Variants in FLI1 observed in about 807,000 individuals in gnomAD.
FLI1 encodes Fli-1 proto-oncogene, ETS transcription factor.
A neutral mutation model predicts 53.1 loss-of-function variants in FLI1; 13 were observed. That is an observed-to-expected ratio of 0.24 (90% CI 0.16 to 0.39). The LOEUF (loss-of-function observed/expected upper bound fraction) is 0.39, where lower values mean the gene tolerates loss of function less well. Ranked by LOEUF, FLI1 falls within the 10% of genes least tolerant of loss-of-function variation. FLI1 has a pLI of 1.00. For synonymous variants in FLI1, 244 were observed against 236.7 expected, an observed-to-expected ratio of 1.03 and a Z score of -0.28; for missense variants, 424 against 600.5, an observed-to-expected ratio of 0.71 and a Z score of 3.07.
chr11:128,691,163 T>C (rs1937724306), upstream of FLI1, among the ~76,000 whole-genome samples: 2 of 152,172 alleles, frequency 1.3e-5, no homozygotes, highest in Middle Eastern at 3.2e-3. Flanking sequence ...ATATCCCCTT[T>C]GGCTGCTCGT....
intron 1 of FLI1, among the ~76,000 whole-genome samples, chr11:128,726,995 C>CTGAT (rs1939514057): frequency 6.6e-6 from 1 of 152,042 alleles, no homozygotes; most frequent in African/African-American, 2.4e-5. Flanking sequence ...AAGGGCAATA[C>CTGAT]TGATTGCATG....
intron 2 of FLI1, among the ~76,000 whole-genome samples, chr11:128,767,742 G>A (rs1941397370): frequency 6.6e-6 from 1 of 152,202 alleles, no homozygotes; most frequent in Non-Finnish European, 1.5e-5. Flanking sequence ...CGGGCACCAA[G>A]TGCTGGGGGA....
At chr11:128,784,258 TC>T (rs1190150722) in intron 5 of FLI1, among the ~76,000 whole-genome samples, 1 of 93,904 alleles carries the variant, frequency 1.1e-5, no homozygotes, top group Non-Finnish European at 2.1e-5. Flanking sequence ...CTCCTCCTCC[TC>T]CTCCTCCTCC....
chr11:128,705,113 A>T (rs1322190484), intron 1 of FLI1, among the ~76,000 whole-genome samples: 1 of 152,202 alleles, frequency 6.6e-6, no homozygotes, highest in African/African-American at 2.4e-5. Flanking sequence ...TGATACATAC[A>T]TCTCCATATA....
intron 1 of FLI1, among the ~76,000 whole-genome samples, chr11:128,713,282 T>A (rs1267613103): frequency 6.6e-6 from 1 of 152,260 alleles, no homozygotes; most frequent in Non-Finnish European, 1.5e-5. Context: ...TCTCTTCCTA[T>A]GTAGAATTTA....
chr11:128,737,245 TG>T (rs896231568), intron 1 of FLI1, among the ~76,000 whole-genome samples: 2 of 152,142 alleles, frequency 1.3e-5, no homozygotes, highest in Non-Finnish European at 2.9e-5. Context: ...ATCTGTAAAA[TG>T]GGTTAGTTCC....
intron 1 of FLI1, among the ~76,000 whole-genome samples, chr11:128,743,993 T>C (rs607193): frequency 0.78 from 118,142 of 152,152 alleles, 46,462 homozygotes; most frequent in East Asian, 0.96. Flanking sequence ...TAGCTGCCAA[T>C]GGAGGGACCA....
chr11:128,697,059 G>A (rs923544304), intron 1 of FLI1, among the ~76,000 whole-genome samples: 1 of 152,150 alleles, frequency 6.6e-6, no homozygotes, highest in Non-Finnish European at 1.5e-5. Context: ...ATTTGCTGGA[G>A]CCACGCTACT....
rs146994033 is a variant in FLI1, at chr11:128,688,430, G to A, written c.-203+1729G>A. Among the ~76,000 whole-genome samples the A allele has an allele frequency of 4.1e-3, 629 of 152,350 alleles. 4 individuals are homozygous for A. Among genetic ancestry groups the A allele is most frequent in the Middle Eastern group, 0.01 (3 of 294 alleles). ...TGGCGGCGAAAGGTCTGCGTGGCAG[G>A]GACAATCTTGAGTCTGTTCCACCGG... is the stretch of plus-strand genomic sequence containing the variant. On this transcript the variant is annotated intron_variant, in intron 1 of 6. Coordinates refer to the FLI1 transcript ENST00000344954.
chr11:128,715,933 G>A (rs771203540), intron 1 of FLI1, among the ~76,000 whole-genome samples: 17 of 152,228 alleles, frequency 1.1e-4, no homozygotes, highest in Admixed American at 8.5e-4. Flanking sequence ...ACTAAGGAGA[G>A]CAAGGTTTGT....
At chr11:128,769,618 G>T (rs1365222199) in intron 3 of FLI1, among the ~76,000 whole-genome samples, 1 of 152,124 alleles carries the variant, frequency 6.6e-6, no homozygotes, top group Non-Finnish European at 1.5e-5. Context: ...GGCAGCAGAC[G>T]GGTGGGGCTT....
At chr11:128,779,091 A>G (rs1484191667) in intron 4 of FLI1, among the ~76,000 whole-genome samples, 2 of 152,230 alleles carry the variant, frequency 1.3e-5, no homozygotes, top group Non-Finnish European at 2.9e-5. Context: ...CAAGCTTTGG[A>G]GAGGTCAAAT....
chr11:128,766,538 T>G (rs1454347539), intron 2 of FLI1, among the ~76,000 whole-genome samples: 1 of 152,186 alleles, frequency 6.6e-6, no homozygotes, highest in Admixed American at 6.5e-5. Context: ...ATAAGTGATC[T>G]TCAATATTTT....
In FLI1 at chr11:128,810,751, C is replaced by T. The variant is rs377471737; in HGVS notation, c.1122C>T (p.Thr374=). Residue 374 remains threonine (T), a synonymous_variant, in exon 9 of 9, where the codon ACC becomes ACT. Transcript: ENST00000527786. This position sits in a 1 kb window ranked among gnomAD's most constrained non-coding sequence, Gnocchi z 6.6. ...GIAQALQPHP[T]ESSMYKYPSD... ...CCCAGGCTCTGCAGCCACATCCGAC[C>T]GAGTCGTCCATGTACAAGTACCCTT... The T allele has an allele frequency of 2.9e-5, 47 of 1,613,960 alleles. No individual in the cohort carries two copies. The highest frequency in any genetic ancestry group is 2.0e-4 in the African/African-American group (15 of 74,956).
chr11:128,687,268 G>GT (rs58042419), intron 1 of FLI1, among the ~76,000 whole-genome samples: 133 of 148,222 alleles, frequency 9.0e-4, no homozygotes, highest in South Asian at 1.7e-3. Context: ...AAGGGTTTTG[G>GT]TTTTTTTTTT....
At chr11:128,749,896 G>T (rs1404419932) in intron 1 of FLI1, among the ~76,000 whole-genome samples, 1 of 152,218 alleles carries the variant, frequency 6.6e-6, no homozygotes, top group African/African-American at 2.4e-5. Flanking sequence ...GCTAACAGCG[G>T]CCACCTGCTC....
chr11:128,710,533 G>A (rs1224998627), intron 1 of FLI1, among the ~76,000 whole-genome samples: 1 of 152,094 alleles, frequency 6.6e-6, no homozygotes, highest in Non-Finnish European at 1.5e-5. Context: ...CCGAGATGCT[G>A]TATTGAAAGA....
Position 128,772,790 on chromosome 11 carries a change from C to G in FLI1, c.394C>G (p.Leu132Val). The G allele has an allele frequency of 6.2e-7, 1 of 1,613,908 alleles. No individual in the cohort carries two copies. ...CGTCTTCTCCTCTGCAGACCCCACACTGTGGACACAGGAGCATGTGAGGCA... is the reference window on the plus strand; with the variant it reads ...CGTCTTCTCCTCTGCAGACCCCACAGTGTGGACACAGGAGCATGTGAGGCA... ...RRVIVPADPTLWTQEHVRQWL... is the reference protein window; with the variant it reads ...RRVIVPADPTVWTQEHVRQWL... The change falls in exon 4 of 9, where the codon CTG becomes GTG. Residue 132 changes from leucine to valine, a missense_variant. Physicochemically the swap from Leu to Val is conservative, Grantham distance 32 (BLOSUM62 1). Coordinates refer to ENST00000527786, the MANE Select transcript of FLI1 (RefSeq NM_002017.5).
chr11:128,702,323 T>C (rs1475232756), intron 1 of FLI1, among the ~76,000 whole-genome samples: 3 of 152,266 alleles, frequency 2.0e-5, no homozygotes, highest in Non-Finnish European at 4.4e-5. Context: ...TTCTGATTTT[T>C]AGCTCTGAGT....
Sources: allele counts gnomAD v4.1 joint callset (sites outside exome capture counted in the v4.1 genomes callset), GRCh38; gene constraint gnomAD v4.1.1; non-coding constraint Gnocchi (gnomAD v3.1); transcripts MANE v1.5; gene names NCBI Gene and HGNC (gene_info 2026-07-23, HGNC 2026-07-21).